Variants in MAGI2 observed in about 807,000 individuals in gnomAD.
MAGI2 encodes the protein membrane associated guanylate kinase, WW and PDZ domain containing 2, also known as membrane-associated guanylate kinase, WW and PDZ domain-containing protein 2.
In MAGI2, 35 loss-of-function variants were observed where a neutral mutation model predicts 133.3. That is an observed-to-expected ratio of 0.26 (90% CI 0.20 to 0.35). The LOEUF (loss-of-function observed/expected upper bound fraction) is 0.35. Among genes scored for constraint, MAGI2 ranks in the 10% least tolerant of loss-of-function variants. The pLI, the probability that MAGI2 is intolerant of heterozygous loss-of-function variation, is 1.00. For synonymous variants in MAGI2, 729 were observed against 710.6 expected (o/e 1.03, Z -0.41); for missense variants, 1,636 against 1,863.4 (o/e 0.88, Z 2.25).
intron 21 of MAGI2, among the ~76,000 whole-genome samples, chr7:78,020,457 G>GCACC (rs1808274557): frequency 6.6e-6 from 1 of 152,138 alleles, no homozygotes; most frequent in South Asian, 2.1e-4. Flanking sequence ...TTTTTATCAG[G>GCACC]CACCCATTCT....
chr7:78,378,287 T>C (rs1794628379), intron 6 of MAGI2, among the ~76,000 whole-genome samples: 1 of 151,912 alleles, frequency 6.6e-6, no homozygotes, highest in African/African-American at 2.4e-5. Context: ...ATCCAGCATA[T>C]GCATAATTGG....
intron 2 of MAGI2, among the ~76,000 whole-genome samples, chr7:78,704,229 C>G (rs1282645021): frequency 6.6e-6 from 1 of 152,026 alleles, no homozygotes; most frequent in South Asian, 2.1e-4. Context: ...AACAAAAAAC[C>G]AAGCAACCCC....
intron 2 of MAGI2, among the ~76,000 whole-genome samples, chr7:78,856,719 T>G (rs1316736624): frequency 6.6e-6 from 1 of 152,204 alleles, no homozygotes; most frequent in South Asian, 2.1e-4. Flanking sequence ...GGCTTAGGAT[T>G]GTCTTGGCAA....
rs537731703 is a variant in MAGI2 at position 78,346,298 on chromosome 7, T to C, written c.1104-255A>G. ...TTATGCATAATTCAGCCAAAAGAAC[T>C]AGAATGTGCACTTGCTTTCTGGTCT... On this transcript the variant is annotated intron_variant, in intron 7 of 21. Coordinates refer to ENST00000354212, the MANE Select transcript of MAGI2 (RefSeq NM_012301.4). Among the ~76,000 whole-genome samples the C allele has an allele frequency of 2.0e-5, 3 of 152,330 alleles. No homozygotes were observed. In the South Asian group the frequency reaches 6.2e-4, roughly 32 times the overall value.
chr7:78,763,349 C>T (rs1402396354), intron 2 of MAGI2, among the ~76,000 whole-genome samples: 3 of 152,102 alleles, frequency 2.0e-5, no homozygotes, highest in Non-Finnish European at 4.4e-5. Context: ...CCTGGGGATC[C>T]GCACAGAACA....
intron 1 of MAGI2, among the ~76,000 whole-genome samples, chr7:79,402,570 A>G (rs1471985241): frequency 6.6e-6 from 1 of 152,228 alleles, no homozygotes; most frequent in East Asian, 1.9e-4. Flanking sequence ...AATTAGGACC[A>G]GAATCTTGTA....
At chr7:78,675,996 A>G (rs1186798862) in intron 2 of MAGI2, among the ~76,000 whole-genome samples, 1 of 152,146 alleles carries the variant, frequency 6.6e-6, no homozygotes, top group Non-Finnish European at 1.5e-5. Flanking sequence ...CACCATTTAA[A>G]AGTTAAAAGG....
At chr7:78,410,525 T>TA (rs1403588488) in intron 6 of MAGI2, among the ~76,000 whole-genome samples, 1 of 152,026 alleles carries the variant, frequency 6.6e-6, no homozygotes, top group African/African-American at 2.4e-5. Context: ...ACTTTGGCTT[T>TA]AAAAAAATTA....
At chr7:78,343,186 C>T (rs1337392408) in intron 9 of MAGI2, among the ~76,000 whole-genome samples, 1 of 152,042 alleles carries the variant, frequency 6.6e-6, no homozygotes, top group Non-Finnish European at 1.5e-5. Flanking sequence ...TGTTTCTGTC[C>T]TTAGCAATTT....
chr7:78,923,720 A>G lies in MAGI2; in HGVS notation c.418+83370T>C, dbSNP rs529206386. The stretch of plus-strand genomic sequence containing the variant: ...GTGAACTTTAAAGTAGTTTTTTCCA[A>G]TTCTGTGAAGAAAGTAATTGGTAGC... On this transcript the variant is annotated intron_variant, in intron 2 of 21. Coordinates refer to ENST00000354212, the MANE Select transcript of MAGI2 (RefSeq NM_012301.4). 6.4e-4 allele frequency among the ~76,000 whole-genome samples: 98 copies of G among 152,260 alleles called. 2 individuals carry two copies. In the South Asian group the frequency reaches 0.02, roughly 30 times the overall value.
At chr7:79,309,825 A>G (rs1183820653) in intron 1 of MAGI2, among the ~76,000 whole-genome samples, 2 of 151,930 alleles carry the variant, frequency 1.3e-5, no homozygotes, top group Non-Finnish European at 2.9e-5. Context: ...AGGGAAGACT[A>G]TGATTAGAAA....
Position 79,137,447 on chromosome 7 carries a change from T to TTTG in MAGI2, c.302-130244_302-130242dup, listed in dbSNP as rs1197184156. 1.9e-4 allele frequency among the ~76,000 whole-genome samples: 17 copies of TTTG among 88,630 alleles called. 1 individual carries two copies. The East Asian group carries it at 4.7e-3, about 24-fold the overall frequency. The allele number at this position is 88,630 out of a possible 152,430, so 58.1% of individuals were successfully genotyped here. On this transcript the variant is annotated intron_variant, in intron 1 of 21. Coordinates refer to ENST00000354212, the MANE Select transcript of MAGI2 (RefSeq NM_012301.4). ...GTACTTCTTCCACTTCTGGGTGTTT[T>TTTG]TTGTTTTTTTTTTTTTTTGAGACAA...
chr7:79,370,894 A>T (rs1488336325), intron 1 of MAGI2, among the ~76,000 whole-genome samples: 1 of 152,068 alleles, frequency 6.6e-6, no homozygotes, highest in East Asian at 1.9e-4. Flanking sequence ...GGTCAAAATA[A>T]AATGAAATTA....
At chr7:78,958,776 C>T (rs751417361) in intron 2 of MAGI2, among the ~76,000 whole-genome samples, 37 of 152,066 alleles carry the variant, frequency 2.4e-4, no homozygotes, top group Non-Finnish European at 4.7e-4. Flanking sequence ...ATTGGATTAC[C>T]TGGTAATCCA....
chr7:78,790,599 A>T lies in MAGI2; in HGVS notation c.419-163360T>A, dbSNP rs540984436. 7.9e-5 allele frequency among the ~76,000 whole-genome samples: 12 copies of T among 152,112 alleles called. 1 individual carries two copies. Among genetic ancestry groups the T allele is most frequent in the African/African-American group, 2.9e-4 (12 of 41,514 alleles). ...CAGGCGCCCACCACCATGCCCAGCT[A>T]ATTTTTGTATTTTTAGTAGACACAG... On this transcript the variant is annotated intron_variant, in intron 2 of 21. Coordinates refer to ENST00000354212, the MANE Select transcript of MAGI2 (RefSeq NM_012301.4).
At chr7:78,705,234 T>G (rs1451260590) in intron 2 of MAGI2, among the ~76,000 whole-genome samples, 1 of 152,030 alleles carries the variant, frequency 6.6e-6, no homozygotes, top group East Asian at 1.9e-4. Context: ...CTCATGATAG[T>G]GAGTGAGTTC....
At chr7:79,044,876 T>G (rs1197204550) in intron 1 of MAGI2, among the ~76,000 whole-genome samples, 1 of 152,184 alleles carries the variant, frequency 6.6e-6, no homozygotes, top group East Asian at 1.9e-4. Flanking sequence ...TTCCTATAAA[T>G]TTATACATGC....
chr7:78,943,083 T>C (rs1371891140), intron 2 of MAGI2, among the ~76,000 whole-genome samples: 1 of 152,090 alleles, frequency 6.6e-6, no homozygotes, highest in African/African-American at 2.4e-5. Flanking sequence ...TGGGTCTTAG[T>C]ATACTAATTT....
At chr7:78,088,732 A>T (rs1443295421) in intron 20 of MAGI2, among the ~76,000 whole-genome samples, 2 of 152,184 alleles carry the variant, frequency 1.3e-5, no homozygotes, top group Non-Finnish European at 1.5e-5. Flanking sequence ...AGCAAAGGGT[A>T]AGAAATACCC....
Sources: gnomAD v4.1 joint callset for allele counts (sites outside exome capture counted in the v4.1 genomes callset) on GRCh38, gnomAD v4.1.1 for gene constraint, MANE v1.5 for transcripts, NCBI Gene and HGNC (gene_info 2026-07-23, HGNC 2026-07-21) for gene names.